ATP2A1: variants seen among roughly 807,000 people sequenced by gnomAD.
ATP2A1 encodes the protein ATPase sarcoplasmic/endoplasmic reticulum Ca2+ transporting 1.
In ATP2A1, 83 loss-of-function variants were observed where a neutral mutation model predicts 109.5. That is an observed-to-expected ratio of 0.76 (90% CI 0.63 to 0.91). The LOEUF (loss-of-function observed/expected upper bound fraction) is 0.91, where lower values mean the gene tolerates loss of function less well. Among genes scored for constraint, ATP2A1 ranks in the 40% least tolerant of loss-of-function variants. The pLI, the probability that ATP2A1 is intolerant of heterozygous loss-of-function variation, is 0.00. For synonymous variants in ATP2A1, 505 were observed against 537.6 expected, an observed-to-expected ratio of 0.94 and a Z score of 0.84; for missense variants, 1,101 against 1,341.0, an observed-to-expected ratio of 0.82 and a Z score of 2.80.
In ATP2A1 at chr16:28,882,356, G is replaced by T. The variant is rs1963511150; in HGVS notation, c.325-95G>T. 3.2e-6 allele frequency: 5 copies of T among 1,570,344 alleles called. No individual in the cohort carries two copies. In the Admixed American group the frequency reaches 6.7e-5, roughly 21 times the overall value. On this transcript the variant is annotated intron_variant, in intron 4 of 22. Transcript: ENST00000395503. ...CCTCAACATACACACACCCCTGCCT[G>T]TGTGGGGTTTTGTTGCCTCCCCCGT...
rs555193592 is a variant in ATP2A1, at chr16:28,887,004, A to G, written c.545-185A>G. ...TGCAACTCTGTCTCAAAAAAAAAAA[A>G]AAAAAAAGGAGCAATGGACTTCCTA... On this transcript the variant is annotated intron_variant, in intron 6 of 22. Coordinates refer to ENST00000395503, the MANE Select transcript of ATP2A1 (RefSeq NM_004320.6). Among the ~76,000 whole-genome samples the G allele has an allele frequency of 2.0e-5, 3 of 151,574 alleles. No homozygotes were observed. The East Asian group carries it at 5.8e-4, about 29-fold the overall frequency.
intron 4 of ATP2A1, among the ~76,000 whole-genome samples, chr16:28,881,801 CA>C (rs200479576): frequency 1.7e-3 from 217 of 129,688 alleles, no homozygotes; most frequent in African/African-American, 1.9e-3. Flanking sequence ...GACCCAGTCT[CA>C]AAAAAAAAAA....
intron 10 of ATP2A1, 46 bp downstream of exon 10, chr16:28,894,289 C>A: frequency 6.4e-7 from 1 of 1,568,012 alleles, no homozygotes. Context: ...CGCCCCTTCC[C>A]ACACCCCCTT....
At chr16:28,896,057 C>T (rs911635635) in intron 12 of ATP2A1, among the ~76,000 whole-genome samples, 1 of 152,156 alleles carries the variant, frequency 6.6e-6, no homozygotes, top group African/African-American at 2.4e-5. Flanking sequence ...AACTCCTGGG[C>T]TCAAACCATC....
Position 28,880,939 on chromosome 16 carries a change from G to A in ATP2A1, c.244G>A (p.Glu82Lys), listed in dbSNP as rs375553897. The A allele has an allele frequency of 1.2e-6, 2 of 1,614,106 alleles. No homozygotes were observed. Among genetic ancestry groups the A allele is most frequent in the African/African-American group, 2.7e-5 (2 of 74,926 alleles). The change falls in exon 4 of 23, where the codon GAA becomes AAA. Residue 82 changes from glutamate to lysine, a missense_variant. Coordinates refer to ENST00000395503, the MANE Select transcript of ATP2A1 (RefSeq NM_004320.6). This position sits in a 1 kb window ranked among gnomAD's most constrained non-coding sequence, Gnocchi z 4.2. ...SFVLAWFEEG[E>K]ETITAFVEPF... ...GGTGCTGGCCTGGTTTGAGGAAGGT[G>A]AAGAGACCATCACTGCCTTTGTTGA...
rs1567478981 is a variant in ATP2A1, at chr16:28,880,950, C to T, written c.255C>T (p.Ile85=). ...LAWFEEGEET[I]TAFVEPFVIL... The stretch of plus-strand genomic sequence containing the variant: ...GGTTTGAGGAAGGTGAAGAGACCAT[C>T]ACTGCCTTTGTTGAACCCTTTGTCA... The change falls in exon 4 of 23, where the codon ATC becomes ATT. Residue 85 remains isoleucine, a synonymous_variant. Transcript: ENST00000395503. The surrounding 1 kb of genome is among the most constrained non-coding windows in gnomAD (Gnocchi z 4.2). 20 of 1,614,222 alleles carry T rather than the reference C, an allele frequency of 1.2e-5. No homozygotes were observed. Among genetic ancestry groups the T allele is most frequent in the Non-Finnish European group, 1.7e-5 (20 of 1,180,040 alleles).
At chr16:28,890,630 G>A (rs1305656610) in intron 9 of ATP2A1, among the ~76,000 whole-genome samples, 1 of 152,114 alleles carries the variant, frequency 6.6e-6, no homozygotes, top group Non-Finnish European at 1.5e-5. Flanking sequence ...CCTTTTAAAA[G>A]ATAAAATAGA....
chr16:28,880,882 T>C lies in ATP2A1; in HGVS notation c.220-33T>C. 1.3e-6 allele frequency: 2 copies of C among 1,589,384 alleles called. No homozygotes were observed. Among genetic ancestry groups the C allele is most frequent in the Non-Finnish European group, 1.7e-6 (2 of 1,157,482 alleles). ...TTTCTCCATCTGTTTTGGGGCCTCATTACCTGTCATTCTCCTTTCCCCTGC... is the reference window on the plus strand; with the variant it reads ...TTTCTCCATCTGTTTTGGGGCCTCACTACCTGTCATTCTCCTTTCCCCTGC... On this transcript the variant is annotated intron_variant, in intron 3 of 22. Transcript: ENST00000395503. The surrounding 1 kb of genome is among the most constrained non-coding windows in gnomAD (Gnocchi z 4.2).
Position 28,881,378 on chromosome 16 carries a change from C to G in ATP2A1, c.324+359C>G, listed in dbSNP as rs1372373610. The G allele has an allele frequency of 3.2e-4, 118 of 371,866 alleles. 2 individuals carry two copies. The highest frequency in any genetic ancestry group is 2.8e-3 in the South Asian group (117 of 42,072). 23.0% of individuals were successfully genotyped at this position (371,866 alleles called of 1,614,324 possible). ...CCTTCTTCCACTGACCTGACCACCC[C>G]CTACATGTCCTGTCCTCTGCTTCCT... On this transcript the variant is annotated intron_variant, in intron 4 of 22. Coordinates refer to ENST00000395503, the MANE Select transcript of ATP2A1 (RefSeq NM_004320.6).
chr16:28,888,469 C>G (rs1015883123), intron 8 of ATP2A1, among the ~76,000 whole-genome samples: 2 of 152,082 alleles, frequency 1.3e-5, no homozygotes, highest in African/African-American at 4.8e-5. Flanking sequence ...AGTGTGGTAG[C>G]ACAATCATAA....
chr16:28,880,373 C>G lies in ATP2A1; in HGVS notation c.220-542C>G, dbSNP rs1220348689. ...TAAGCACAAGCTGGCAGGGCCTCTC[C>G]TCTCCCTTCTCAGATTTGCTCCTTG... is the stretch of plus-strand genomic sequence containing the variant. On this transcript the variant is annotated intron_variant, in intron 3 of 22. Transcript: ENST00000395503. This position sits in a 1 kb window ranked among gnomAD's most constrained non-coding sequence, Gnocchi z 4.2. 1.3e-5 allele frequency among the ~76,000 whole-genome samples: 2 copies of G among 152,260 alleles called. No individual in the cohort carries two copies. Among genetic ancestry groups the G allele is most frequent in the African/African-American group, 4.8e-5 (2 of 41,472 alleles).
At position 28,902,868 on chromosome 16, in the gene ATP2A1, C is replaced by T. The variant is rs1179309357; in HGVS notation, c.2701C>T (p.Leu901=). ...FEAPEPMTMA[L]SVLVTIEMCN... ...GGCCCCCGAGCCCATGACCATGGCC[C>T]TGTCCGTGCTGGTGACCATCGAGAT... The change falls in exon 19 of 23, where the codon CTG becomes TTG. Residue 901 remains leucine, a synonymous_variant. Coordinates refer to ENST00000395503, the MANE Select transcript of ATP2A1 (RefSeq NM_004320.6). This position sits in a 1 kb window ranked among gnomAD's most constrained non-coding sequence, Gnocchi z 4.8. 1 of 1,614,030 alleles carries T rather than the reference C, an allele frequency of 6.2e-7. No homozygotes were observed. The highest frequency in any genetic ancestry group is 8.5e-7 in the Non-Finnish European group (1 of 1,179,968).
chr16:28,878,978 A>C, intron 1 of ATP2A1, 121 bp from the exon 2 acceptor site: 1 of 1,451,410 alleles, frequency 6.9e-7, no homozygotes, highest in Non-Finnish European at 9.7e-7. Context: ...GGGAGGTTTT[A>C]ATGGGATGAA....
intron 2 of ATP2A1, 169 bp from the exon 3 acceptor site, chr16:28,879,332 G>C: frequency 1.2e-6 from 1 of 850,824 alleles, no homozygotes; most frequent in Non-Finnish European, 1.9e-6. Flanking sequence ...CCACTTTGCC[G>C]AGTCTGTTTC....
rs2152200684 is a variant in ATP2A1 at position 28,883,083 on chromosome 16, C to CGACCG, written c.463+496_463+500dup. On this transcript the variant is annotated intron_variant, in intron 5 of 22. Coordinates refer to ENST00000395503, the MANE Select transcript of ATP2A1 (RefSeq NM_004320.6). This position sits in a 1 kb window ranked among gnomAD's most constrained non-coding sequence, Gnocchi z 5.2. ...AAACTCAGGCCTGGCACAGAGCACG[C>CGACCG]GACCGGGGAGGAGGGAGCTCAAGGA... 6.6e-6 allele frequency among the ~76,000 whole-genome samples: 1 copy of CGACCG among 152,316 alleles called. No homozygotes were observed. The highest frequency in any genetic ancestry group is 1.9e-4 in the East Asian group (1 of 5,188).
At chr16:28,879,873 T>C in intron 3 of ATP2A1, 1 of 573,460 alleles carries the variant, frequency 1.7e-6, no homozygotes, top group Non-Finnish European at 2.5e-6. Flanking sequence ...CCACCCGAAC[T>C]CCGGGCTCCG....
intron 9 of ATP2A1, among the ~76,000 whole-genome samples, chr16:28,893,896 C>T (rs1399730362): frequency 6.6e-6 from 1 of 152,082 alleles, no homozygotes; most frequent in African/African-American, 2.4e-5. Flanking sequence ...CCGCCCACCT[C>T]AGCCTCCTAA....
chr16:28,892,360 T>G (rs1342134672), intron 9 of ATP2A1: 2 of 400,120 alleles, frequency 5.0e-6, no homozygotes, highest in Non-Finnish European at 1.0e-5. Flanking sequence ...CTTCACAGAG[T>G]TTTGTGGAAG....
rs367598499 is a variant in ATP2A1, at chr16:28,902,941, C to T, written c.2744+30C>T. 9 of 1,613,646 alleles carry T rather than the reference C, an allele frequency of 5.6e-6. No homozygotes were observed. The highest frequency in any genetic ancestry group is 2.2e-5 in the East Asian group (1 of 44,882). Reference sequence around the variant, plus strand: ...GGGCCCCCCAGCTACACCCACCACCCTCCCCTGAGGCCACTGCCCACATCC... The same window carrying T: ...GGGCCCCCCAGCTACACCCACCACCTTCCCCTGAGGCCACTGCCCACATCC... On this transcript the variant is annotated intron_variant, in intron 19 of 22. Transcript: ENST00000395503. The surrounding 1 kb of genome is among the most constrained non-coding windows in gnomAD (Gnocchi z 4.8).
Sources: gnomAD v4.1 joint callset for allele counts (sites outside exome capture counted in the v4.1 genomes callset) on GRCh38, gnomAD v4.1.1 for gene constraint, Gnocchi (gnomAD v3.1) non-coding constraint, MANE v1.5 for transcripts, NCBI Gene and HGNC (gene_info 2026-07-23, HGNC 2026-07-21) for gene names.